RAP1GAP2: variants seen among roughly 807,000 people sequenced by gnomAD.
RAP1GAP2 encodes RAP1 GTPase activating protein 2.
RAP1GAP2 carries 27 observed loss-of-function variants against 95.0 expected under a neutral mutation model. The observed-to-expected ratio is 0.28, with a 90% confidence interval of 0.21 to 0.39. The LOEUF is 0.39. RAP1GAP2 is among the 10% of genes least tolerant of loss of function. The pLI is 1.00. For synonymous variants in RAP1GAP2, 373 were observed against 380.9 expected (o/e 0.98, Z 0.24); for missense variants, 771 against 970.0 (o/e 0.79, Z 2.72).
At chr17:2,785,355 C>T (rs1397559618) in intron 1 of RAP1GAP2, among the ~76,000 whole-genome samples, 1 of 151,804 alleles carries the variant, frequency 6.6e-6, no homozygotes, top group Non-Finnish European at 1.5e-5. Context: ...CCTGCCCCCA[C>T]CTTGCCTAGT....
chr17:2,886,749 C>T (rs1329633733), intron 2 of RAP1GAP2, among the ~76,000 whole-genome samples: 2 of 152,128 alleles, frequency 1.3e-5, no homozygotes, highest in African/African-American at 2.4e-5. Context: ...GATGAATGAG[C>T]CCAGTGGCTC....
chr17:2,864,326 G>GCCTGATGGGTGTTATTCTGCC (rs2072536897), intron 2 of RAP1GAP2, among the ~76,000 whole-genome samples: 2 of 152,242 alleles, frequency 1.3e-5, no homozygotes, highest in Non-Finnish European at 2.9e-5. Context: ...GAGCGTCCAT[G>GCCTGATGGGTGTTATTCTGCC]CCTGATGGGT....
intron 14 of RAP1GAP2, among the ~76,000 whole-genome samples, chr17:2,998,641 C>T (rs549444457): frequency 6.6e-5 from 10 of 151,252 alleles, no homozygotes; most frequent in African/African-American, 1.2e-4. Flanking sequence ...GCCATTTGCT[C>T]GCTGTGAGTG....
chr17:2,824,985 C>G (rs534204606), intron 2 of RAP1GAP2, among the ~76,000 whole-genome samples: 5 of 152,234 alleles, frequency 3.3e-5, no homozygotes, highest in African/African-American at 7.2e-5. Flanking sequence ...TGCTCTGTCC[C>G]CCAGGCTGGA....
At chr17:3,025,009 C>T (rs1485298374) in intron 19 of RAP1GAP2, among the ~76,000 whole-genome samples, 3 of 152,182 alleles carry the variant, frequency 2.0e-5, no homozygotes, top group Non-Finnish European at 4.4e-5. Context: ...AAACTAAAAG[C>T]CATTGCATTG....
intron 17 of RAP1GAP2, among the ~76,000 whole-genome samples, chr17:3,014,180 G>A (rs12451485): frequency 0.088 from 1,946 of 22,186 alleles, 69 homozygotes; most frequent in Middle Eastern, 0.14. Context: ...TAGGACACAC[G>A]TTGGCTATAG....
rs145246027 is a variant in RAP1GAP2, at chr17:3,003,011, AC to A, written c.1201-2354del. On this transcript the variant is annotated intron_variant, in intron 14 of 24. Coordinates refer to ENST00000254695, the MANE Select transcript of RAP1GAP2 (RefSeq NM_015085.5). This position sits in a 1 kb window ranked among gnomAD's most constrained non-coding sequence, Gnocchi z 4.1. Reference sequence around the variant, plus strand: ...AAAAGGCCACTGGGCGACAGTGGTTACCCCTTACCAGCTGCTTGCTCATGCC... The same window carrying A: ...AAAAGGCCACTGGGCGACAGTGGTTACCCTTACCAGCTGCTTGCTCATGCC... Among the ~76,000 whole-genome samples, 5,487 of 152,116 alleles carry A rather than the reference AC, an allele frequency of 0.036. 154 individuals carry two copies. The highest frequency in any genetic ancestry group is 0.093 in the East Asian group (480 of 5,162).
Position 3,001,447 on chromosome 17 carries a change from TGC to T in RAP1GAP2, c.1200+3072_1200+3073del. Among the ~76,000 whole-genome samples, 4 of 104,532 alleles carry T rather than the reference TGC, an allele frequency of 3.8e-5. 1 individual carries two copies. Among genetic ancestry groups the T allele is most frequent in the African/African-American group, 1.6e-4 (4 of 24,918 alleles). 68.6% of individuals were successfully genotyped at this position (104,532 alleles called of 152,430 possible). On this transcript the variant is annotated intron_variant, in intron 14 of 24. Transcript: ENST00000254695. ...GAGAAGGGACAGAAGAAGCAGGGAG[TGC>T]AGGTCCAAGCACCAGGCTGAAGTGA...
At chr17:2,803,252 T>C (rs1281839429) in intron 2 of RAP1GAP2, among the ~76,000 whole-genome samples, 2 of 152,194 alleles carry the variant, frequency 1.3e-5, no homozygotes, top group Non-Finnish European at 2.9e-5. Context: ...AAGGCGATAT[T>C]GGGATGATAG....
intron 2 of RAP1GAP2, among the ~76,000 whole-genome samples, chr17:2,861,036 G>T (rs939564991): frequency 1.3e-5 from 2 of 152,014 alleles, no homozygotes; most frequent in Non-Finnish European, 2.9e-5. Flanking sequence ...TGTTGCGGAG[G>T]CCTCCTTTCC....
chr17:2,894,011 C>T (rs1161838413), intron 2 of RAP1GAP2, among the ~76,000 whole-genome samples: 3 of 152,230 alleles, frequency 2.0e-5, no homozygotes, highest in Non-Finnish European at 4.4e-5. Context: ...GCCAGGCGCT[C>T]ATGTCTGTGA....
rs749691353 is a variant in RAP1GAP2, at chr17:2,957,811, A to G, written c.201+17A>G. 7.0e-6 allele frequency: 11 copies of G among 1,571,716 alleles called. No individual in the cohort carries two copies. In the African/African-American group the frequency reaches 1.4e-4, roughly 20 times the overall value. On this transcript the variant is annotated intron_variant, in intron 4 of 24. Coordinates refer to ENST00000254695, the MANE Select transcript of RAP1GAP2 (RefSeq NM_015085.5). Reference sequence around the variant, plus strand: ...AAAATGCAGGTGAGTACGTACCCCCACCGTGGCGGGGAAGAAGCCCAGCCC... The same window carrying G: ...AAAATGCAGGTGAGTACGTACCCCCGCCGTGGCGGGGAAGAAGCCCAGCCC...
At chr17:2,876,842 A>G (rs548803007) in intron 2 of RAP1GAP2, among the ~76,000 whole-genome samples, 8 of 150,188 alleles carry the variant, frequency 5.3e-5, no homozygotes, top group African/African-American at 1.7e-4. Context: ...GGGAAGGGTC[A>G]TCAGTTGGTT....
rs752128071 is a variant in RAP1GAP2, at chr17:2,950,040, T to TTTCTTC, written c.166-7701_166-7696dup. Among the ~76,000 whole-genome samples, 9 of 122,280 alleles carry TTTCTTC rather than the reference T, an allele frequency of 7.4e-5. 1 individual carries two copies. The highest frequency in any genetic ancestry group is 5.4e-4 in the South Asian group (2 of 3,726). The allele number at this position is 122,280 out of a possible 152,430, so 80.2% of individuals were successfully genotyped here. ...GGCATCTTCATTCAGACCCATTTCTTTTCTTCTTCTTCTTCTTCTTCTTTT... is the reference window on the plus strand; with the variant it reads ...GGCATCTTCATTCAGACCCATTTCTTTTCTTCTTCTTCTTCTTCTTCTTCTTCTTTT... On this transcript the variant is annotated intron_variant, in intron 3 of 24. Coordinates refer to ENST00000254695, the MANE Select transcript of RAP1GAP2 (RefSeq NM_015085.5).
Position 2,768,299 on chromosome 17 carries a change from TG to T in RAP1GAP2, c.51-2029del, listed in dbSNP as rs368032980. Among the ~76,000 whole-genome samples the T allele has an allele frequency of 9.6e-4, 146 of 152,334 alleles. 1 individual carries two copies. The highest frequency in any genetic ancestry group is 3.4e-3 in the African/African-American group (141 of 41,578). ...CTGATAATGTATCAGAGTGCCTGTT[TG>T]TAATTATACATGTATTTATGTGATT... On this transcript the variant is annotated intron_variant, in intron 1 of 25. Coordinates refer to the RAP1GAP2 transcript ENST00000637138.
chr17:2,840,642 C>T (rs2071336595), intron 2 of RAP1GAP2, among the ~76,000 whole-genome samples: 1 of 152,120 alleles, frequency 6.6e-6, no homozygotes, highest in African/African-American at 2.4e-5. Flanking sequence ...AGCCATCATG[C>T]CTGGCTTATA....
intron 3 of RAP1GAP2, among the ~76,000 whole-genome samples, chr17:2,945,995 C>T (rs983265238): frequency 2.3e-4 from 35 of 151,990 alleles, no homozygotes; most frequent in African/African-American, 7.5e-4. Context: ...TTCACCATGT[C>T]GGCCAGGCTG....
chr17:2,893,630 C>G (rs557811880), intron 2 of RAP1GAP2, among the ~76,000 whole-genome samples: 1 of 152,230 alleles, frequency 6.6e-6, no homozygotes. Flanking sequence ...TTGTGACTCC[C>G]GGCTTTTGTG....
chr17:2,953,676 GTC>G (rs911778814), intron 3 of RAP1GAP2, among the ~76,000 whole-genome samples: 1 of 152,054 alleles, frequency 6.6e-6, no homozygotes, highest in Non-Finnish European at 1.5e-5. Flanking sequence ...GTGAAACCCT[GTC>G]TCTACCAAAA....
Sources: allele counts gnomAD v4.1 joint callset (sites outside exome capture counted in the v4.1 genomes callset), GRCh38; gene constraint gnomAD v4.1.1; non-coding constraint Gnocchi (gnomAD v3.1); transcripts MANE v1.5; gene names NCBI Gene and HGNC (gene_info 2026-07-23, HGNC 2026-07-21).